Variants in NSMCE1 observed in about 807,000 individuals in gnomAD.
NSMCE1 encodes non-structural maintenance of chromosomes element 1 homolog.
A neutral mutation model predicts 29.6 loss-of-function variants in NSMCE1; 18 were observed. The observed-to-expected ratio is 0.61, with a 90% CI of 0.42 to 0.90. The LOEUF (loss-of-function observed/expected upper bound fraction) is 0.90, where lower values mean the gene tolerates loss of function less well. Ranked by LOEUF, NSMCE1 falls within the 40% of genes least tolerant of loss-of-function variation. NSMCE1 has a pLI of 0.00. For missense variants in NSMCE1, 314 were observed against 343.6 expected, an observed-to-expected ratio of 0.91 and a Z score of 0.68; for synonymous variants, 124 against 133.4, an observed-to-expected ratio of 0.93 and a Z score of 0.49.
At chr16:27,230,287 T>C (rs34356479) in intron 5 of NSMCE1, among the ~76,000 whole-genome samples, 29,808 of 152,132 alleles carry the variant, frequency 0.2, 3,424 homozygotes, top group East Asian at 0.42. Flanking sequence ...TATACCCACC[T>C]GGAAGGGCCT....
intron 6 of NSMCE1, 147 bp downstream of exon 6, chr16:27,226,573 G>T (rs1768010663): frequency 1.7e-6 from 1 of 604,684 alleles, no homozygotes; most frequent in Non-Finnish European, 2.9e-6. Flanking sequence ...ACACGTCCTG[G>T]GAGATGGCCT....
At chr16:27,228,746 T>C (rs368375612) in intron 5 of NSMCE1, among the ~76,000 whole-genome samples, 15 of 58,034 alleles carry the variant, frequency 2.6e-4, no homozygotes, top group African/African-American at 4.2e-4. Context: ...ATCATGGTAC[T>C]CCACCTCTCC....
intron 2 of NSMCE1, among the ~76,000 whole-genome samples, chr16:27,237,398 C>G (rs767043608): frequency 6.6e-6 from 1 of 152,208 alleles, no homozygotes; most frequent in Admixed American, 6.5e-5. Context: ...CTCTTCTGCC[C>G]CCGGTGCTGT....
At chr16:27,264,092 G>A (rs537617323) in intron 1 of NSMCE1, among the ~76,000 whole-genome samples, 87 of 152,300 alleles carry the variant, frequency 5.7e-4, no homozygotes, top group African/African-American at 1.9e-3. Flanking sequence ...TGCTGGGCGC[G>A]ATGGCTCATG....
intron 2 of NSMCE1, among the ~76,000 whole-genome samples, chr16:27,256,898 A>C (rs79814007): frequency 0.021 from 3,243 of 152,264 alleles, 113 homozygotes; most frequent in African/African-American, 0.073. Flanking sequence ...TCAAATAAAA[A>C]AATAGAGAGG....
chr16:27,227,160 C>G (rs564028005), intron 5 of NSMCE1, among the ~76,000 whole-genome samples: 2 of 152,244 alleles, frequency 1.3e-5, no homozygotes, highest in Non-Finnish European at 2.9e-5. Context: ...CAGATGAGGA[C>G]GCTGAGGCCC....
rs1310777555 is a variant in NSMCE1 at position 27,226,841 on chromosome 16, A to G, written c.484-5T>C. 2 of 1,588,160 alleles carry G rather than the reference A, an allele frequency of 1.3e-6. No individual in the cohort carries two copies. Among genetic ancestry groups the G allele is most frequent in the East Asian group, 2.2e-5 (1 of 44,726 alleles). On this transcript the variant is annotated splice_polypyrimidine_tract_variant and splice_region_variant and intron_variant, in intron 5 of 7. Coordinates refer to ENST00000361439, the MANE Select transcript of NSMCE1 (RefSeq NM_145080.4). Reference sequence around the variant, plus strand: ...CAGGGTGAACTCCCCTTCCTTCTGCAGGGACACACAGGAGGTGGCCACCCT... The same window carrying G: ...CAGGGTGAACTCCCCTTCCTTCTGCGGGGACACACAGGAGGTGGCCACCCT...
chr16:27,241,525 G>A (rs2083893689), intron 2 of NSMCE1: 2 of 192,588 alleles, frequency 1.0e-5, no homozygotes, highest in Non-Finnish European at 2.2e-5. Flanking sequence ...CACGGGGCTG[G>A]GGAGGTTTGT....
At chr16:27,231,667 G>A (rs1178230129) in intron 5 of NSMCE1, among the ~76,000 whole-genome samples, 1 of 151,718 alleles carries the variant, frequency 6.6e-6, no homozygotes, top group East Asian at 1.9e-4. Context: ...GCCTGAAGAG[G>A]GGCTGCACCA....
intron 2 of NSMCE1, among the ~76,000 whole-genome samples, chr16:27,245,923 C>T (rs890657262): frequency 1.3e-5 from 2 of 152,144 alleles, no homozygotes; most frequent in Admixed American, 1.3e-4. Context: ...CTGAGTCTTC[C>T]TTGGAAAGAG....
chr16:27,247,942 AAAAAC>A (rs1378545943), intron 2 of NSMCE1, among the ~76,000 whole-genome samples: 1 of 151,966 alleles, frequency 6.6e-6, no homozygotes, highest in African/African-American at 2.4e-5. Context: ...AAAAAAAACA[AAAAAC>A]AAAACAAAAC....
At chr16:27,233,606 G>A (rs61150536) in intron 4 of NSMCE1, among the ~76,000 whole-genome samples, 45,515 of 152,194 alleles carry the variant, frequency 0.3, 7,240 homozygotes, top group East Asian at 0.46. Context: ...TCAACAGATC[G>A]TGAGTGGGGC....
At chr16:27,225,358 C>T (rs74016031) in intron 7 of NSMCE1, 122 bp from the exon 8 acceptor site, 1 of 676,084 alleles carries the variant, frequency 1.5e-6, no homozygotes, top group African/African-American at 1.8e-5. Flanking sequence ...CACCATCCTT[C>T]ACTGCTAACC....
intron 1 of NSMCE1, among the ~76,000 whole-genome samples, chr16:27,265,645 AC>A (rs1464288571): frequency 3.3e-5 from 5 of 152,210 alleles, no homozygotes; most frequent in African/African-American, 1.2e-4. Flanking sequence ...ATAAATGCCT[AC>A]CAACTGAAGA....
At chr16:27,233,250 CA>C in intron 4 of NSMCE1, 103 bp from the exon 5 acceptor site, 1 of 936,674 alleles carries the variant, frequency 1.1e-6, no homozygotes, top group Non-Finnish European at 1.6e-6. Context: ...CCACTCAGAT[CA>C]CAGGCAGAAC....
intron 2 of NSMCE1, among the ~76,000 whole-genome samples, chr16:27,243,540 C>T (rs925181804): frequency 1.2e-4 from 18 of 152,220 alleles, no homozygotes; most frequent in African/African-American, 4.3e-4. Flanking sequence ...TAAGCCAGAC[C>T]TGCAGGAAGC....
At chr16:27,235,399 A>G in intron 2 of NSMCE1, 100 bp from the exon 3 acceptor site, 1 of 1,353,956 alleles carries the variant, frequency 7.4e-7, no homozygotes, top group South Asian at 1.2e-5. Flanking sequence ...CGCAGGGGAC[A>G]GCAACCCCAG....
intron 2 of NSMCE1, among the ~76,000 whole-genome samples, chr16:27,253,028 C>T (rs956977314): frequency 4.6e-5 from 7 of 152,130 alleles, no homozygotes; most frequent in African/African-American, 1.7e-4. Context: ...GTAGAGAGGG[C>T]ACGGAAACTC....
chr16:27,257,293 T>C (rs1301905069), intron 2 of NSMCE1, 142 bp downstream of exon 2: 6 of 583,824 alleles, frequency 1.0e-5, no homozygotes, highest in Non-Finnish European at 1.4e-5. Context: ...ATTAGAAAGA[T>C]GGGCCCGTGT....
Sources: allele counts gnomAD v4.1 joint callset (sites outside exome capture counted in the v4.1 genomes callset), GRCh38; gene constraint gnomAD v4.1.1; transcripts MANE v1.5; gene names NCBI Gene and HGNC (gene_info 2026-07-23, HGNC 2026-07-21).